Variants in LRP1B observed in about 807,000 individuals in gnomAD.
The protein encoded by LRP1B is LDL receptor related protein 1B, also known as low-density lipoprotein receptor-related protein 1B.
Under a neutral mutation model 556.6 loss-of-function variants are expected in LRP1B, and 217 were observed. The ratio of observed to expected loss-of-function variants is 0.39; its 90% CI spans 0.35 to 0.44. The LOEUF (loss-of-function observed/expected upper bound fraction) is 0.44, where lower values mean the gene tolerates loss of function less well. LRP1B is among the 20% of genes least tolerant of loss of function. The probability of loss-of-function intolerance (pLI) is 1.00; values close to 1 mark genes in which losing one functional copy is unlikely to be tolerated. For synonymous variants in LRP1B, 2,047 were observed against 1,865.8 expected (o/e 1.10, Z -2.50); for missense variants, 5,053 against 5,620.8 (o/e 0.90, Z 3.23).
intron 2 of LRP1B, among the ~76,000 whole-genome samples, chr2:141,512,895 G>A (rs953739706): frequency 6.6e-6 from 1 of 152,050 alleles, no homozygotes; most frequent in Non-Finnish European, 1.5e-5. Flanking sequence ...GTCTTTCTAA[G>A]TACTCTAGGA....
At chr2:140,943,611 A>G (rs996272932) in intron 20 of LRP1B, among the ~76,000 whole-genome samples, 5 of 152,146 alleles carry the variant, frequency 3.3e-5, no homozygotes, top group African/African-American at 1.2e-4. Flanking sequence ...CAATAGCCAG[A>G]GGAACTCTCA....
intron 43 of LRP1B, chr2:140,586,478 C>G (rs1681991091): frequency 6.6e-6 from 1 of 152,346 alleles, no homozygotes; most frequent in African/African-American, 2.4e-5. Context: ...AAGTGGGGAT[C>G]CTGGGCTTCC....
chr2:142,130,446 G>C (rs184182484), intron 1 of LRP1B, among the ~76,000 whole-genome samples: 1 of 152,214 alleles, frequency 6.6e-6, no homozygotes, highest in Non-Finnish European at 1.5e-5. Flanking sequence ...AAAAGCTGTG[G>C]GGGTGCCGAG....
chr2:141,828,337 T>C, intron 1 of LRP1B, among the ~76,000 whole-genome samples: 1 of 152,080 alleles, frequency 6.6e-6, no homozygotes, highest in East Asian at 1.9e-4. Context: ...TAATTCAATT[T>C]AAACATTCAA....
intron 41 of LRP1B, among the ~76,000 whole-genome samples, chr2:140,625,572 T>C (rs1344373077): frequency 6.6e-6 from 1 of 151,996 alleles, no homozygotes; most frequent in Non-Finnish European, 1.5e-5. Context: ...ATGGGCAAAA[T>C]GCCTTAACAG....
intron 1 of LRP1B, among the ~76,000 whole-genome samples, chr2:141,983,475 C>T (rs1430442107): frequency 6.6e-6 from 1 of 152,120 alleles, no homozygotes; most frequent in Non-Finnish European, 1.5e-5. Flanking sequence ...GAGCCCCTAT[C>T]TCTTATTGAG....
chr2:140,662,320 A>G (rs760919375), intron 41 of LRP1B, among the ~76,000 whole-genome samples: 4 of 152,122 alleles, frequency 2.6e-5, no homozygotes, highest in African/African-American at 4.8e-5. Flanking sequence ...AGTATTACAC[A>G]TAGGTGTCTA....
chr2:140,260,458 G>A (rs1191934071), intron 86 of LRP1B, among the ~76,000 whole-genome samples: 1 of 151,588 alleles, frequency 6.6e-6, no homozygotes, highest in Non-Finnish European at 1.5e-5. Flanking sequence ...ACTTTTCTCT[G>A]TGTATGTACA....
chr2:141,204,836 C>T (rs6724984), intron 6 of LRP1B, among the ~76,000 whole-genome samples: 57,011 of 151,646 alleles, frequency 0.38, 11,957 homozygotes, highest in Middle Eastern at 0.55. Flanking sequence ...ATTTGGGAGG[C>T]TGAGGCAGGA....
intron 6 of LRP1B, 52 bp from the exon 7 acceptor site, chr2:141,188,635 T>A (rs372282818): frequency 2.1e-5 from 31 of 1,503,358 alleles, no homozygotes; most frequent in Non-Finnish European, 2.7e-5. Flanking sequence ...TCTAGCATCA[T>A]GATCCAAAAA....
intron 86 of LRP1B, among the ~76,000 whole-genome samples, chr2:140,261,615 TTAAAG>T (rs1681945068): frequency 6.6e-6 from 1 of 151,724 alleles, no homozygotes; most frequent in Admixed American, 6.6e-5. Flanking sequence ...ACGGTGTTGG[TTAAAG>T]TAGAGAAAAT....
chr2:141,565,927 C>G (rs1327531814), intron 2 of LRP1B, among the ~76,000 whole-genome samples: 3 of 151,726 alleles, frequency 2.0e-5, no homozygotes, highest in African/African-American at 4.8e-5. Flanking sequence ...GCCAGGCACT[C>G]TGCCTGGCAC....
At chr2:140,425,001 A>G (rs1341128185) in intron 66 of LRP1B, among the ~76,000 whole-genome samples, 2 of 152,042 alleles carry the variant, frequency 1.3e-5, no homozygotes, top group Non-Finnish European at 2.9e-5. Context: ...TCTATGGTCA[A>G]CCACTAGATT....
chr2:140,370,963 G>T, intron 70 of LRP1B, 121 bp from the exon 71 acceptor site: 4 of 1,108,804 alleles, frequency 3.6e-6, no homozygotes, highest in East Asian at 2.5e-5. Flanking sequence ...CTTTCATTTT[G>T]TCTTAATGAA....
At chr2:140,969,067 T>C (rs1175265499) in intron 18 of LRP1B, among the ~76,000 whole-genome samples, 1 of 152,196 alleles carries the variant, frequency 6.6e-6, no homozygotes, top group African/African-American at 2.4e-5. Context: ...AGAGTTGAGT[T>C]CAATTCCTGG....
chr2:141,212,435 C>G (rs535958065), intron 6 of LRP1B, among the ~76,000 whole-genome samples: 2 of 149,648 alleles, frequency 1.3e-5, no homozygotes, highest in Admixed American at 1.3e-4. Flanking sequence ...TCCACCACCA[C>G]GCCCGGATAA....
chr2:140,885,556 G>C (rs181636717), intron 24 of LRP1B, among the ~76,000 whole-genome samples: 1 of 151,432 alleles, frequency 6.6e-6, no homozygotes, highest in Non-Finnish European at 1.5e-5. Flanking sequence ...TCATCATATG[G>C]GCCAGGCTGG....
At chr2:141,131,998 G>T (rs1701370941) in intron 7 of LRP1B, among the ~76,000 whole-genome samples, 1 of 151,832 alleles carries the variant, frequency 6.6e-6, no homozygotes, top group Admixed American at 6.6e-5. Flanking sequence ...TCCCACTCTT[G>T]CCCCAGAGCC....
chr2:141,986,241 AGT>A (rs1299150651), intron 1 of LRP1B, among the ~76,000 whole-genome samples: 1 of 152,006 alleles, frequency 6.6e-6, no homozygotes, highest in African/African-American at 2.4e-5. Context: ...GGCTAAAAGT[AGT>A]TAAGATGGTA....
Sources: allele counts gnomAD v4.1 joint callset (sites outside exome capture counted in the v4.1 genomes callset), GRCh38; gene constraint gnomAD v4.1.1; transcripts MANE v1.5; gene names NCBI Gene and HGNC (gene_info 2026-07-23, HGNC 2026-07-21).